Variants in MAN1C1 observed in about 807,000 individuals in gnomAD.
MAN1C1 encodes mannosyl-oligosaccharide 1,2-alpha-mannosidase IC.
In MAN1C1, 49 loss-of-function variants were observed where a neutral mutation model predicts 71.5. The observed-to-expected ratio is 0.69, with a 90% CI of 0.54 to 0.87. The LOEUF (loss-of-function observed/expected upper bound fraction) is 0.87, where lower values mean the gene tolerates loss of function less well. Among genes scored for constraint, MAN1C1 ranks in the 40% least tolerant of loss-of-function variants. MAN1C1 has a pLI of 0.00. For synonymous variants in MAN1C1, 352 were observed against 343.7 expected (o/e 1.02, Z -0.27); for missense variants, 743 against 835.0 (o/e 0.89, Z 1.36).
At chr1:25,691,834 G>A (rs1557767655) in intron 2 of MAN1C1, among the ~76,000 whole-genome samples, 1 of 152,224 alleles carries the variant, frequency 6.6e-6, no homozygotes, top group East Asian at 1.9e-4. Flanking sequence ...GAAGGTTAGG[G>A]TTCACAATCT....
rs2065970 is a variant in MAN1C1, at chr1:25,725,032, A to G, written c.638-21636A>G. On this transcript the variant is annotated intron_variant, in intron 2 of 11. Coordinates refer to ENST00000374332, the MANE Select transcript of MAN1C1 (RefSeq NM_020379.4). The surrounding 1 kb of genome is among the most constrained non-coding windows in gnomAD (Gnocchi z 4.8). ...TCCATTCTGGAAACTGATTATGTCT[A>G]TAACACCAACCCAGAGATAAGCATT... Among the ~76,000 whole-genome samples the G allele has an allele frequency of 0.22, 33,492 of 152,124 alleles. 5,480 individuals are homozygous for G. Among genetic ancestry groups the G allele is most frequent in the African/African-American group, 0.46 (19,067 of 41,418 alleles).
intron 2 of MAN1C1, among the ~76,000 whole-genome samples, chr1:25,696,828 G>A (rs2046376376): frequency 6.6e-6 from 1 of 152,032 alleles, no homozygotes; most frequent in South Asian, 2.1e-4. Flanking sequence ...TAAATTTTTT[G>A]TAGAGATGAG....
At position 25,769,568 on chromosome 1, in the gene MAN1C1, G is replaced by C. The variant is rs542412296; in HGVS notation, c.1142-2089G>C. Among the ~76,000 whole-genome samples, 1 of 152,102 alleles carries C rather than the reference G, an allele frequency of 6.6e-6. No homozygotes were observed. The highest frequency in any genetic ancestry group is 1.5e-5 in the Non-Finnish European group (1 of 68,016). ...CTTGTCACGCACACACTCCACCACC[G>C]CGTGATTGTGGCTAAACTCCTTGGC... On this transcript the variant is annotated intron_variant, in intron 7 of 11. Transcript: ENST00000374332. This position sits in a 1 kb window ranked among gnomAD's most constrained non-coding sequence, Gnocchi z 4.8.
chr1:25,657,490 G>A (rs1234314009), intron 1 of MAN1C1, among the ~76,000 whole-genome samples: 4 of 152,162 alleles, frequency 2.6e-5, no homozygotes, highest in Non-Finnish European at 5.9e-5. Context: ...TGAATCATCC[G>A]CACACAGAAG....
intron 2 of MAN1C1, among the ~76,000 whole-genome samples, chr1:25,708,502 C>T (rs868483121): frequency 6.6e-6 from 1 of 152,176 alleles, no homozygotes; most frequent in South Asian, 2.1e-4. Flanking sequence ...CAGCTACCCC[C>T]GCCCATCTCA....
chr1:25,630,001 C>G (rs537727006), intron 1 of MAN1C1, among the ~76,000 whole-genome samples: 3 of 152,040 alleles, frequency 2.0e-5, no homozygotes, highest in African/African-American at 4.8e-5. Flanking sequence ...CTGATGTTAT[C>G]TTTAGAATTC....
chr1:25,680,328 G>T (rs1393257368), intron 1 of MAN1C1, among the ~76,000 whole-genome samples: 1 of 152,142 alleles, frequency 6.6e-6, no homozygotes, highest in Non-Finnish European at 1.5e-5. Flanking sequence ...CTCCCAAAGT[G>T]CTGGGATTAC....
At chr1:25,656,918 TG>T (rs2045776427) in intron 1 of MAN1C1, among the ~76,000 whole-genome samples, 2 of 151,696 alleles carry the variant, frequency 1.3e-5, no homozygotes, top group African/African-American at 4.8e-5. Context: ...CTCCGCCTCC[TG>T]GGTTCACACC....
rs559463561 is a variant in MAN1C1 at position 25,769,606 on chromosome 1, G to T, written c.1142-2051G>T. Among the ~76,000 whole-genome samples, 2 of 152,162 alleles carry T rather than the reference G, an allele frequency of 1.3e-5. No individual in the cohort carries two copies. The highest frequency in any genetic ancestry group is 2.9e-5 in the Non-Finnish European group (2 of 68,018). ...TAAACTCCTTGGCTTGGCATTCCAG[G>T]CCCTTCCTGGCACAGCCCAAGCCTC... is the stretch of plus-strand genomic sequence containing the variant. On this transcript the variant is annotated intron_variant, in intron 7 of 11. Transcript: ENST00000374332. This position sits in a 1 kb window ranked among gnomAD's most constrained non-coding sequence, Gnocchi z 4.8.
chr1:25,675,836 A>C (rs548356560), intron 1 of MAN1C1, among the ~76,000 whole-genome samples: 1 of 152,280 alleles, frequency 6.6e-6, no homozygotes, highest in African/African-American at 2.4e-5. Flanking sequence ...TATTCTAAGG[A>C]TTAAGTATTT....
In MAN1C1 at chr1:25,783,775, T is replaced by C. The variant is rs761489777; in HGVS notation, c.1879T>C (p.Trp627Arg). ...VNHSDSSGRA[W>R]GRH ...CCACTCAGACAGCTCCGGCAGAGCC[T>C]GGGGCAGACACTGACCCCATCTCCT... Residue 627 changes from tryptophan (W) to arginine (R), a missense_variant, in exon 12 of 12, where the codon TGG becomes CGG. Physicochemically the swap from Trp to Arg is moderately radical, Grantham distance 101. Coordinates refer to ENST00000374332, the MANE Select transcript of MAN1C1 (RefSeq NM_020379.4). 3.1e-6 allele frequency: 5 copies of C among 1,611,278 alleles called. No homozygotes were observed. The highest frequency in any genetic ancestry group is 4.2e-6 in the Non-Finnish European group (5 of 1,179,978).
rs1252847426 is a variant in MAN1C1, at chr1:25,753,615, G to A, written c.929+37G>A. ...TCGCGTTCCCCACTGGGGCTTTACT[G>A]CGACCATGCCCACCATTTGTGTTTT... On this transcript the variant is annotated intron_variant, in intron 5 of 11. Coordinates refer to ENST00000374332, the MANE Select transcript of MAN1C1 (RefSeq NM_020379.4). This position sits in a 1 kb window ranked among gnomAD's most constrained non-coding sequence, Gnocchi z 4.9. 4 of 1,575,752 alleles carry A rather than the reference G, an allele frequency of 2.5e-6. No individual in the cohort carries two copies. Among genetic ancestry groups the A allele is most frequent in the Non-Finnish European group, 3.5e-6 (4 of 1,148,610 alleles).
intron 4 of MAN1C1, among the ~76,000 whole-genome samples, chr1:25,751,768 A>G (rs1237037202): frequency 6.6e-6 from 1 of 152,210 alleles, no homozygotes; most frequent in Non-Finnish European, 1.5e-5. Context: ...ACTTAGAAGC[A>G]GTAACTGGCT....
intron 1 of MAN1C1, among the ~76,000 whole-genome samples, chr1:25,670,311 C>A (rs1390631508): frequency 6.6e-6 from 1 of 152,244 alleles, no homozygotes; most frequent in Non-Finnish European, 1.5e-5. Flanking sequence ...ATGTGCCTTG[C>A]AGGATCTCTC....
chr1:25,726,107 C>G (rs1184528795), intron 2 of MAN1C1, among the ~76,000 whole-genome samples: 1 of 152,252 alleles, frequency 6.6e-6, no homozygotes, highest in East Asian at 1.9e-4. Context: ...TGCAAGTCTT[C>G]ACTTCTTCAA....
At chr1:25,618,948 A>G (rs1259668532) in intron 1 of MAN1C1, among the ~76,000 whole-genome samples, 1 of 152,212 alleles carries the variant, frequency 6.6e-6, no homozygotes, top group Non-Finnish European at 1.5e-5. Context: ...ACATAATTGC[A>G]TATGATGCAG....
At chr1:25,673,710 G>A (rs1427626653) in intron 1 of MAN1C1, among the ~76,000 whole-genome samples, 2 of 152,206 alleles carry the variant, frequency 1.3e-5, no homozygotes, top group East Asian at 3.8e-4. Flanking sequence ...TCACAGAGAT[G>A]TGGTGAAAAC....
chr1:25,683,121 G>A (rs2046178311), intron 1 of MAN1C1, among the ~76,000 whole-genome samples: 1 of 151,954 alleles, frequency 6.6e-6, no homozygotes, highest in Admixed American at 6.6e-5. Context: ...ATGACAGCAG[G>A]AACTGTCCAT....
chr1:25,719,944 T>C (rs1233270272), intron 2 of MAN1C1, among the ~76,000 whole-genome samples: 1 of 151,948 alleles, frequency 6.6e-6, no homozygotes, highest in African/African-American at 2.4e-5. Flanking sequence ...CCACCATACC[T>C]GGCTAATTTT....
Sources: allele counts gnomAD v4.1 joint callset (sites outside exome capture counted in the v4.1 genomes callset), GRCh38; gene constraint gnomAD v4.1.1; non-coding constraint Gnocchi (gnomAD v3.1); transcripts MANE v1.5; gene names NCBI Gene and HGNC (gene_info 2026-07-23, HGNC 2026-07-21).